Variants in MTMR9 observed in about 807,000 individuals in gnomAD.
MTMR9 encodes the protein myotubularin related protein 9, also known as myotubularin-related protein 9.
MTMR9 carries 39 observed loss-of-function variants against 69.5 expected under a neutral mutation model. The ratio of observed to expected loss-of-function variants is 0.56; its 90% confidence interval spans 0.43 to 0.73. The LOEUF (loss-of-function observed/expected upper bound fraction) is 0.73, where lower values mean the gene tolerates loss of function less well. Ranked by LOEUF, MTMR9 falls within the 30% of genes least tolerant of loss-of-function variation. The pLI, the probability that MTMR9 is intolerant of heterozygous loss-of-function variation, is 0.00. For synonymous variants in MTMR9, 354 were observed against 240.8 expected, an observed-to-expected ratio of 1.47 and a Z score of -4.35; for missense variants, 900 against 671.2, an observed-to-expected ratio of 1.34 and a Z score of -3.77.
downstream of MTMR9, chr8:11,331,133 C>G: frequency 2.5e-6 from 4 of 1,605,662 alleles, no homozygotes; most frequent in South Asian, 1.1e-5. Context: ...CCTACTTCAA[C>G]CTGCCTGACT....
At chr8:11,328,373 TTGTTACAC>T (rs1406452685), downstream of MTMR9, among the ~76,000 whole-genome samples, 2 of 128,914 alleles carry the variant, frequency 1.6e-5, no homozygotes, top group Non-Finnish European at 3.3e-5. Flanking sequence ...GTGTGTGTGT[TTGTTACAC>T]TGTTATTTTG....
At chr8:11,331,562 G>C, downstream of MTMR9, 2 of 1,613,770 alleles carry the variant, frequency 1.2e-6, no homozygotes, top group South Asian at 2.2e-5. Flanking sequence ...TTGAGAGCCA[G>C]GGTCTCGGTG....
rs189727927 is a variant in MTMR9 at position 11,302,922 on chromosome 8, C to T, written c.418-1919C>T. 2.5e-3 allele frequency among the ~76,000 whole-genome samples: 378 copies of T among 151,568 alleles called. 1 individual carries two copies. Among genetic ancestry groups the T allele is most frequent in the African/African-American group, 8.8e-3 (363 of 41,264 alleles). ...ATATATCTAAGAAAAGATAGTAAGA[C>T]CTTTATTGAGAGAATTATAAAAATT... On this transcript the variant is annotated intron_variant, in intron 3 of 9. Coordinates refer to ENST00000221086, the MANE Select transcript of MTMR9 (RefSeq NM_015458.4).
chr8:11,326,843 G>T lies in MTMR9; in HGVS notation c.*4055G>T, dbSNP rs538850630. On this transcript the variant is annotated 3_prime_UTR_variant, in exon 10 of 10. Transcript: ENST00000221086. The stretch of plus-strand genomic sequence containing the variant: ...AAATTAGCCAGGTGTGGTGGCGGGC[G>T]CCTGTAGTCCCAGCTACTCAGGAGG... The T allele has an allele frequency of 6.6e-6, 1 of 152,002 alleles. No individual in the cohort carries two copies. Among genetic ancestry groups the T allele is most frequent in the African/African-American group, 2.4e-5 (1 of 41,346 alleles). 9.4% of individuals were successfully genotyped at this position (152,002 alleles called of 1,614,324 possible).
chr8:11,328,927 G>A (rs564782992), downstream of MTMR9, among the ~76,000 whole-genome samples: 1 of 152,342 alleles, frequency 6.6e-6, no homozygotes, highest in Non-Finnish European at 1.5e-5. Flanking sequence ...CTTACATTTA[G>A]ATCTTAATCC....
chr8:11,306,471 G>C, intron 5 of MTMR9, 64 bp downstream of exon 5: 1 of 1,425,352 alleles, frequency 7.0e-7, no homozygotes, highest in Non-Finnish European at 9.7e-7. Flanking sequence ...TAAGGCCTTA[G>C]CCATTTGAAA....
Position 11,324,583 on chromosome 8 carries a change from T to C in MTMR9, c.*1795T>C, listed in dbSNP as rs1165369607. 3 of 151,914 alleles carry C rather than the reference T, an allele frequency of 2.0e-5. No individual in the cohort carries two copies. The highest frequency in any genetic ancestry group is 7.2e-5 in the African/African-American group (3 of 41,398). The allele number at this position is 151,914 out of a possible 1,614,324, so 9.4% of individuals were successfully genotyped here. A position where few individuals can be genotyped will look rare whatever the true frequency, so the allele number is the denominator to read the frequency against. On this transcript the variant is annotated 3_prime_UTR_variant, in exon 10 of 10. Coordinates refer to ENST00000221086, the MANE Select transcript of MTMR9 (RefSeq NM_015458.4). ...CAGAATTGCTTGCTATGTCTGTTAA[T>C]ACAGCTGAGCTTTTTGTTTTCTTCT...
Position 11,325,944 on chromosome 8 carries a change from C to A in MTMR9, c.*3156C>A, listed in dbSNP as rs1015407223. ...CAATAATAGACATTCATGTCAGATC[C>A]CATATGGGGGATTTTTAAACATTTC... On this transcript the variant is annotated 3_prime_UTR_variant, in exon 10 of 10. Transcript: ENST00000221086. 2 of 151,872 alleles carry A rather than the reference C, an allele frequency of 1.3e-5. No individual in the cohort carries two copies. Among genetic ancestry groups the A allele is most frequent in the African/African-American group, 4.8e-5 (2 of 41,338 alleles). 9.4% of individuals were successfully genotyped at this position (151,872 alleles called of 1,614,324 possible).
At position 11,301,416 on chromosome 8, in the gene MTMR9, T is replaced by C. The variant is rs145158624; in HGVS notation, c.417+1268T>C. On this transcript the variant is annotated intron_variant, in intron 3 of 9. Coordinates refer to ENST00000221086, the MANE Select transcript of MTMR9 (RefSeq NM_015458.4). ...AATTCAATTGGGAAAGGATAGCTTT[T>C]TCAACCAATAGTATTGGAACAGTTG... Among the ~76,000 whole-genome samples the C allele has an allele frequency of 3.4e-3, 516 of 152,326 alleles. 4 individuals are homozygous for C. The highest frequency in any genetic ancestry group is 2.5e-3 in the Non-Finnish European group (169 of 68,030).
downstream of MTMR9, among the ~76,000 whole-genome samples, chr8:11,332,423 C>G (rs1585151345): frequency 6.6e-6 from 1 of 151,706 alleles, no homozygotes; most frequent in East Asian, 1.9e-4. Context: ...TAAATATGCA[C>G]AAGAGTTAAA....
rs979020231 is a variant in MTMR9 at position 11,323,964 on chromosome 8, G to A, written c.*1176G>A. Reference sequence around the variant, plus strand: ...AAACAGTGATGACTATTCATGCTCTGCTAGTCTATGCCTGCAACTCCAAAT... The same window carrying A: ...AAACAGTGATGACTATTCATGCTCTACTAGTCTATGCCTGCAACTCCAAAT... On this transcript the variant is annotated 3_prime_UTR_variant, in exon 10 of 10. Coordinates refer to ENST00000221086, the MANE Select transcript of MTMR9 (RefSeq NM_015458.4). 1.3e-5 allele frequency: 2 copies of A among 152,132 alleles called. No homozygotes were observed. Among genetic ancestry groups the A allele is most frequent in the Admixed American group, 1.3e-4 (2 of 15,278 alleles). The allele number at this position is 152,132 out of a possible 1,614,324, so 9.4% of individuals were successfully genotyped here.
In MTMR9 at chr8:11,325,128, G is replaced by A. The variant is rs1348182632; in HGVS notation, c.*2340G>A. On this transcript the variant is annotated 3_prime_UTR_variant, in exon 10 of 10. Transcript: ENST00000221086. ...GCATTTTAGTATTAATTTATAATTA[G>A]GGATTGTTCAAACTTCAGATCTGTT... 6.6e-6 allele frequency: 1 copy of A among 152,188 alleles called. No individual in the cohort carries two copies. Among genetic ancestry groups the A allele is most frequent in the African/African-American group, 2.4e-5 (1 of 41,436 alleles). 9.4% of individuals were successfully genotyped at this position (152,188 alleles called of 1,614,324 possible). A position where few individuals can be genotyped will look rare whatever the true frequency, so the allele number is the denominator to read the frequency against.
intron 1 of MTMR9, 67 bp downstream of exon 1, chr8:11,285,137 C>T: frequency 7.0e-7 from 1 of 1,427,876 alleles, no homozygotes; most frequent in Non-Finnish European, 9.4e-7. Flanking sequence ...CCGGGAAATA[C>T]TTCCTGGCGT....
At chr8:11,337,596 G>C in the MTMR9 span, among the ~76,000 whole-genome samples, 1 of 152,324 alleles carries the variant, frequency 6.6e-6, no homozygotes, top group Middle Eastern at 3.4e-3. Flanking sequence ...CAAAACAATT[G>C]AGATTTCTGC....
the MTMR9 span, among the ~76,000 whole-genome samples, chr8:11,337,470 C>G: frequency 1.1e-4 from 16 of 152,302 alleles, no homozygotes; most frequent in East Asian, 1.2e-3. Flanking sequence ...TTCCTCTACC[C>G]TCTGCCTTGC....
intron 6 of MTMR9, among the ~76,000 whole-genome samples, chr8:11,313,167 TCTTTC>T (rs1209938112): frequency 6.6e-6 from 1 of 152,254 alleles, no homozygotes; most frequent in Non-Finnish European, 1.5e-5. Context: ...AGAGTTTGCT[TCTTTC>T]CTTAAACCTC....
chr8:11,328,006 G>A lies in MTMR9; in HGVS notation c.*5218G>A, dbSNP rs367687818. 1.3e-5 allele frequency: 2 copies of A among 152,160 alleles called. No individual in the cohort carries two copies. The highest frequency in any genetic ancestry group is 6.5e-5 in the Admixed American group (1 of 15,280). The allele number at this position is 152,160 out of a possible 1,614,324, so 9.4% of individuals were successfully genotyped here. ...TACTGAATCAAGAAAGAGTCTTGTC[G>A]AATGTGGTACTGTTCTTAGTGTGTA... On this transcript the variant is annotated 3_prime_UTR_variant, in exon 10 of 10. Coordinates refer to ENST00000221086, the MANE Select transcript of MTMR9 (RefSeq NM_015458.4).
chr8:11,333,577 C>T, the MTMR9 span, among the ~76,000 whole-genome samples: 158 of 152,150 alleles, frequency 1.0e-3, 4 homozygotes, highest in South Asian at 0.028. Flanking sequence ...AGTATCTCCA[C>T]GACAGATAAA....
intron 9 of MTMR9, 61 bp downstream of exon 9, chr8:11,319,899 G>T: frequency 6.4e-7 from 1 of 1,566,594 alleles, no homozygotes. Flanking sequence ...CTGCCTGTGA[G>T]TGTGTGCTGT....
Sources: allele counts gnomAD v4.1 joint callset (sites outside exome capture counted in the v4.1 genomes callset), GRCh38; gene constraint gnomAD v4.1.1; transcripts MANE v1.5; gene names NCBI Gene and HGNC (gene_info 2026-07-23, HGNC 2026-07-21).